Variants in TRAPPC12 observed in about 807,000 individuals in gnomAD.
The protein encoded by TRAPPC12 is TPR repeat protein 15.
TRAPPC12 carries 61 observed loss-of-function variants against 69.2 expected under a neutral mutation model. The ratio of observed to expected loss-of-function variants is 0.88; its 90% CI spans 0.72 to 1.09. TRAPPC12 has a LOEUF of 1.09. TRAPPC12 is among the 50% of genes least tolerant of loss of function. TRAPPC12 has a pLI of 0.00. For missense variants in TRAPPC12, 1,101 were observed against 1,016.4 expected (o/e 1.08, Z -1.13); for synonymous variants, 469 against 438.9 (o/e 1.07, Z -0.86).
rs200068871 is a variant in TRAPPC12 at position 3,388,529 on chromosome 2, G to C, written c.906G>C (p.Glu302Asp). 1 of 1,613,138 alleles carries C rather than the reference G, an allele frequency of 6.2e-7. No homozygotes were observed. Among genetic ancestry groups the C allele is most frequent in the Non-Finnish European group, 8.5e-7 (1 of 1,179,738 alleles). ...TTGCCACCGCCCTGAGCATGAGCGA[G>C]ATGGACCGGAGGAACGACGCCTGGC... The part of the protein sequence containing the change: ...DPFATALSMS[E>D]MDRRNDAWLP... Residue 302 changes from glutamate (E) to aspartate (D), a missense_variant, in exon 2 of 12, where the codon GAG becomes GAC. Transcript: ENST00000324266.
chr2:3,465,495 C>A, intron 8 of TRAPPC12, 102 bp from the exon 9 acceptor site: 1 of 798,294 alleles, frequency 1.3e-6, no homozygotes. Context: ...TCAGCGTGTC[C>A]TCTCTCTACA....
chr2:3,475,400 A>C (rs1572213705), intron 9 of TRAPPC12, among the ~76,000 whole-genome samples: 2 of 151,834 alleles, frequency 1.3e-5, no homozygotes, highest in East Asian at 3.9e-4. Flanking sequence ...GGTGTGAGCC[A>C]CCATGCCCAG....
chr2:3,460,522 A>C (rs572498935), intron 8 of TRAPPC12, 186 bp downstream of exon 8: 1 of 495,880 alleles, frequency 2.0e-6, no homozygotes, highest in South Asian at 3.7e-5. Flanking sequence ...TTTCTACTGC[A>C]AGAAATTTCA....
intron 10 of TRAPPC12, 144 bp from the exon 11 acceptor site, chr2:3,478,702 C>T (rs188945856): frequency 1.1e-5 from 7 of 635,816 alleles, no homozygotes; most frequent in African/African-American, 3.6e-5. Flanking sequence ...CGCAGCTCAC[C>T]GCCTCTACCT....
At chr2:3,395,715 A>C (rs1351837971) in intron 2 of TRAPPC12, among the ~76,000 whole-genome samples, 4 of 149,618 alleles carry the variant, frequency 2.7e-5, no homozygotes, top group Admixed American at 6.7e-5. Context: ...GGCACGCACC[A>C]CCACGCCCAG....
In TRAPPC12 at chr2:3,403,968, A is replaced by T. The variant is rs550275258; in HGVS notation, c.1164+2075A>T. On this transcript the variant is annotated intron_variant, in intron 3 of 11. Coordinates refer to ENST00000324266, the MANE Select transcript of TRAPPC12 (RefSeq NM_016030.6). ...CAGGAGCATTTAACAAAGTAACAAA[A>T]TTTTTTCCTTAATTGACTAGTTCTC... is the stretch of plus-strand genomic sequence containing the variant. Among the ~76,000 whole-genome samples the T allele has an allele frequency of 3.3e-5, 5 of 152,180 alleles. No individual in the cohort carries two copies. In the South Asian group the frequency reaches 6.2e-4, roughly 19 times the overall value.
intron 1 of TRAPPC12, among the ~76,000 whole-genome samples, chr2:3,382,358 C>G (rs902704421): frequency 6.6e-6 from 1 of 152,124 alleles, no homozygotes; most frequent in African/African-American, 2.4e-5. Flanking sequence ...TGGTCTTGAT[C>G]TCCTGACCTC....
intron 9 of TRAPPC12, chr2:3,472,347 T>A (rs1027232855): frequency 6.6e-6 from 1 of 152,278 alleles, no homozygotes; most frequent in African/African-American, 2.4e-5. Context: ...AGGGTGGTTT[T>A]ACGCACACAG....
At chr2:3,401,993 A>G (rs936705213) in intron 3 of TRAPPC12, 100 bp downstream of exon 3, 9 of 840,934 alleles carry the variant, frequency 1.1e-5, no homozygotes, top group Admixed American at 2.8e-5. Flanking sequence ...ATATTATTCA[A>G]AGCTCTTGCA....
intron 2 of TRAPPC12, 144 bp downstream of exon 2, chr2:3,388,814 T>C (rs2103433064): frequency 1.2e-6 from 1 of 805,026 alleles, no homozygotes. Flanking sequence ...TGTGTTCCTC[T>C]GTCCCTGGGT....
chr2:3,401,643 C>A, intron 2 of TRAPPC12, 134 bp from the exon 3 acceptor site: 1 of 475,346 alleles, frequency 2.1e-6, no homozygotes, highest in Non-Finnish European at 3.7e-6. Context: ...TGAAGTTTTA[C>A]GATACTATAA....
At chr2:3,477,159 C>T (rs903632644) in intron 9 of TRAPPC12, among the ~76,000 whole-genome samples, 2 of 152,172 alleles carry the variant, frequency 1.3e-5, no homozygotes, top group African/African-American at 2.4e-5. Context: ...GCATTTCAGT[C>T]GGGCAGCCGG....
intron 9 of TRAPPC12, among the ~76,000 whole-genome samples, chr2:3,475,668 C>T (rs1272093446): frequency 6.6e-6 from 1 of 152,154 alleles, no homozygotes; most frequent in Non-Finnish European, 1.5e-5. Context: ...AGTAAAGTCC[C>T]ATGCCAGCCT....
chr2:3,389,522 C>G (rs758967721), intron 2 of TRAPPC12, among the ~76,000 whole-genome samples: 75 of 152,344 alleles, frequency 4.9e-4, no homozygotes, highest in Admixed American at 2.2e-3. Context: ...GCAACAACCG[C>G]GACCCCGAAG....
In TRAPPC12 at chr2:3,460,275, T is replaced by C; in HGVS notation, c.1616T>C (p.Leu539Pro). The change falls in exon 8 of 12, where the codon CTG (leucine) becomes CCG (proline). Residue 539 changes from leucine to proline, a missense_variant. Coordinates refer to ENST00000324266, the MANE Select transcript of TRAPPC12 (RefSeq NM_016030.6). ...TCTTACCTTGTAGCCTCTATCCGGC[T>C]GTGGAGGTCACGTCTGGGCCGGGTG... ...TQEGRQASIR[L>P]WRSRLGRVMY... 1.1e-6 allele frequency: 1 copy of C among 873,886 alleles called. No individual in the cohort carries two copies. The highest frequency in any genetic ancestry group is 1.3e-5 in the South Asian group (1 of 76,566). The allele number at this position is 873,886 out of a possible 1,614,324, so 54.1% of individuals were successfully genotyped here.
chr2:3,457,929 C>A, intron 7 of TRAPPC12: 1 of 1,402,462 alleles, frequency 7.1e-7, no homozygotes, highest in East Asian at 2.6e-5. Flanking sequence ...GAAGACACGC[C>A]TTCACCACAA....
chr2:3,387,713 C>T lies in TRAPPC12; in HGVS notation c.90C>T (p.Leu30=). ...CGCCTCCGGAGGAGCAGGGGTTGCT[C>T]TTCCAGGAGGAAACCATCGATCTTG... is the stretch of plus-strand genomic sequence containing the variant. The part of the protein sequence containing the change: ...QLAPPEEQGL[L]FQEETIDLGG... The change falls in exon 2 of 12, where the codon CTC becomes CTT. Residue 30 remains leucine, a synonymous_variant. Transcript: ENST00000324266. 1 of 1,596,666 alleles carries T rather than the reference C, an allele frequency of 6.3e-7. No individual in the cohort carries two copies. Among genetic ancestry groups the T allele is most frequent in the Non-Finnish European group, 8.5e-7 (1 of 1,171,840 alleles).
intron 8 of TRAPPC12, among the ~76,000 whole-genome samples, chr2:3,462,090 G>A (rs990747336): frequency 2.6e-5 from 4 of 152,248 alleles, no homozygotes; most frequent in African/African-American, 7.2e-5. Flanking sequence ...CAGGACTGAC[G>A]TTTCACTAAT....
intron 9 of TRAPPC12, among the ~76,000 whole-genome samples, chr2:3,476,149 C>A (rs1463523720): frequency 1.3e-5 from 2 of 152,154 alleles, no homozygotes; most frequent in Admixed American, 1.3e-4. Flanking sequence ...TGTGTGTGCA[C>A]GCCTGTGTTT....
Sources: allele counts gnomAD v4.1 joint callset (sites outside exome capture counted in the v4.1 genomes callset), GRCh38; gene constraint gnomAD v4.1.1; transcripts MANE v1.5; gene names NCBI Gene and HGNC (gene_info 2026-07-23, HGNC 2026-07-21).